MCC: variants seen among roughly 807,000 people sequenced by gnomAD.
MCC encodes MCC regulator of Wnt signaling pathway.
MCC carries 90 observed loss-of-function variants against 116.2 expected under a neutral mutation model. The observed-to-expected ratio is 0.77, with a 90% CI of 0.65 to 0.92. The LOEUF is 0.92. MCC is among the 40% of genes least tolerant of loss of function. The pLI is 0.00. For synonymous variants in MCC, 578 were observed against 510.5 expected, an observed-to-expected ratio of 1.13 and a Z score of -1.78; for missense variants, 1,516 against 1,312.2, an observed-to-expected ratio of 1.16 and a Z score of -2.40.
intron 3 of MCC, among the ~76,000 whole-genome samples, chr5:113,324,536 C>CT (rs1561524063): frequency 6.6e-6 from 1 of 152,058 alleles, no homozygotes; most frequent in African/African-American, 2.4e-5. Flanking sequence ...AATATACTGG[C>CT]TAAACCTAAG....
chr5:113,172,797 A>G (rs1221812781), intron 3 of MCC, among the ~76,000 whole-genome samples: 1 of 152,176 alleles, frequency 6.6e-6, no homozygotes, highest in African/African-American at 2.4e-5. Flanking sequence ...ATTGCCTTCT[A>G]CCGAAAGCTA....
At chr5:113,227,168 T>A (rs1245510514) in intron 3 of MCC, among the ~76,000 whole-genome samples, 1 of 152,192 alleles carries the variant, frequency 6.6e-6, no homozygotes, top group African/African-American at 2.4e-5. Context: ...CCTTAAATGG[T>A]TAACAAAAAT....
chr5:113,257,856 C>A (rs1322612660), intron 3 of MCC, among the ~76,000 whole-genome samples: 1 of 152,134 alleles, frequency 6.6e-6, no homozygotes, highest in Non-Finnish European at 1.5e-5. Flanking sequence ...GAGGGGAAAG[C>A]GTTCTATCTA....
chr5:113,108,963 C>G (rs12517185), intron 6 of MCC, among the ~76,000 whole-genome samples: 69,708 of 152,008 alleles, frequency 0.46, 16,248 homozygotes, highest in African/African-American at 0.5. Context: ...TGGAGCCTCA[C>G]AGGAGGACGA....
At chr5:113,082,779 T>G in intron 11 of MCC, 81 bp downstream of exon 11, 1 of 1,548,166 alleles carries the variant, frequency 6.5e-7, no homozygotes, top group Non-Finnish European at 8.8e-7. Context: ...ATAAGCCACC[T>G]TGAACAGATC....
intron 3 of MCC, among the ~76,000 whole-genome samples, chr5:113,248,884 G>A (rs904613692): frequency 3.5e-5 from 5 of 144,820 alleles, no homozygotes; most frequent in African/African-American, 1.3e-4. Context: ...CTAGAGTGCA[G>A]CGGCATGATC....
intron 1 of MCC, among the ~76,000 whole-genome samples, chr5:113,395,782 A>G (rs1286625487): frequency 6.6e-6 from 1 of 152,174 alleles, no homozygotes; most frequent in Non-Finnish European, 1.5e-5. Flanking sequence ...CTTTCTATAT[A>G]AATAGATATT....
At chr5:113,116,445 G>A (rs1045852390) in intron 6 of MCC, among the ~76,000 whole-genome samples, 2 of 152,128 alleles carry the variant, frequency 1.3e-5, no homozygotes, top group Non-Finnish European at 2.9e-5. Context: ...ATTATGTCAT[G>A]AATTTCAAAT....
At chr5:113,461,516 T>C (rs1349072487) in intron 1 of MCC, among the ~76,000 whole-genome samples, 1 of 151,136 alleles carries the variant, frequency 6.6e-6, no homozygotes, top group Non-Finnish European at 1.5e-5. Flanking sequence ...CAAGAAATAA[T>C]TAGAAGGTCC....
chr5:113,140,507 A>G (rs957483838), intron 5 of MCC, among the ~76,000 whole-genome samples: 2 of 152,218 alleles, frequency 1.3e-5, no homozygotes, highest in Non-Finnish European at 2.9e-5. Context: ...AACCTGCAGT[A>G]TCTGATTTTT....
chr5:113,434,755 C>T lies in MCC; in HGVS notation c.171-49543G>A. On this transcript the variant is annotated intron_variant, in intron 1 of 18. Coordinates refer to ENST00000408903, the MANE Select transcript of MCC (RefSeq NM_001085377.2). This position sits in a 1 kb window ranked among gnomAD's most constrained non-coding sequence, Gnocchi z 4.2. ...TTGAACTTCAGGCGCTCAGAGTAAG[C>T]AGATTTTACTTTTGCATAGGAGCCC... 2 of 1,614,054 alleles carry T rather than the reference C, an allele frequency of 1.2e-6. No homozygotes were observed. The highest frequency in any genetic ancestry group is 1.3e-5 in the African/African-American group (1 of 75,026).
intron 3 of MCC, among the ~76,000 whole-genome samples, chr5:113,222,250 C>T (rs765470514): frequency 2.6e-5 from 4 of 152,152 alleles, no homozygotes; most frequent in Non-Finnish European, 5.9e-5. Context: ...ACTAGCTTTG[C>T]GTTGCCAGGA....
chr5:113,049,750 G>A (rs4599529), intron 15 of MCC, among the ~76,000 whole-genome samples: 75,380 of 151,962 alleles, frequency 0.5, 19,027 homozygotes, highest in East Asian at 0.61. Flanking sequence ...TGGTTTCCAT[G>A]GCACCAACCA....
chr5:113,283,806 C>A (rs1023137297), intron 3 of MCC, among the ~76,000 whole-genome samples: 1 of 152,158 alleles, frequency 6.6e-6, no homozygotes, highest in Non-Finnish European at 1.5e-5. Flanking sequence ...GATCATTGAA[C>A]AACACTGGTT....
intron 5 of MCC, among the ~76,000 whole-genome samples, chr5:113,136,743 G>A (rs1487467733): frequency 6.6e-6 from 1 of 151,996 alleles, no homozygotes; most frequent in Non-Finnish European, 1.5e-5. Flanking sequence ...GTTTTTTGTT[G>A]GAGTATTTAG....
Position 113,395,779 on chromosome 5 carries a change from T to A in MCC, c.171-10567A>T, listed in dbSNP as rs1214640936. 4.7e-4 allele frequency among the ~76,000 whole-genome samples: 72 copies of A among 152,112 alleles called. 1 individual carries two copies. The highest frequency in any genetic ancestry group is 4.7e-3 in the Admixed American group (71 of 15,264). ...TCAAGTCAGTAATCTAAACTTTCTA[T>A]ATAAATAGATATTAATTATGATGCT... is the stretch of plus-strand genomic sequence containing the variant. On this transcript the variant is annotated intron_variant, in intron 1 of 18. Coordinates refer to ENST00000408903, the MANE Select transcript of MCC (RefSeq NM_001085377.2).
At chr5:113,115,509 G>A (rs975632053) in intron 6 of MCC, among the ~76,000 whole-genome samples, 3 of 152,132 alleles carry the variant, frequency 2.0e-5, no homozygotes, top group Admixed American at 6.5e-5. Flanking sequence ...TCATAAATAT[G>A]AAGGGATAAG....
At position 113,046,685 on chromosome 5, in the gene MCC, C is replaced by CAAAAAAA. The variant is rs151183145; in HGVS notation, c.2655+2401_2655+2407dup. ...ACTGACTGCTAACAAACTCAAAAGG[C>CAAAAAAA]AAAAAAAAAAAAAAAAAAAAAAAAA... On this transcript the variant is annotated intron_variant, in intron 16 of 18. Transcript: ENST00000408903. Among the ~76,000 whole-genome samples the CAAAAAAA allele has an allele frequency of 1.5e-3, 85 of 58,376 alleles. 2 individuals carry two copies. The highest frequency in any genetic ancestry group is 5.1e-3 in the African/African-American group (72 of 14,058). The allele number at this position is 58,376 out of a possible 152,430, so 38.3% of individuals were successfully genotyped here.
intron 3 of MCC, among the ~76,000 whole-genome samples, chr5:113,235,252 C>T (rs1382176581): frequency 6.6e-6 from 1 of 152,192 alleles, no homozygotes; most frequent in Non-Finnish European, 1.5e-5. Context: ...CTTCAAAAGT[C>T]TGACTTCAAT....
Sources: allele counts gnomAD v4.1 joint callset (sites outside exome capture counted in the v4.1 genomes callset), GRCh38; gene constraint gnomAD v4.1.1; non-coding constraint Gnocchi (gnomAD v3.1); transcripts MANE v1.5; gene names NCBI Gene and HGNC (gene_info 2026-07-23, HGNC 2026-07-21).